The following RFX3 variants were observed in gnomAD, a reference collection of about 807,000 sequenced individuals.
RFX3 encodes the protein transcription factor RFX3.
In RFX3, 14 loss-of-function variants were observed where a neutral mutation model predicts 98.6. The ratio of observed to expected loss-of-function variants is 0.14; its 90% CI spans 0.09 to 0.22. The LOEUF (loss-of-function observed/expected upper bound fraction) is 0.22. Among genes scored for constraint, RFX3 ranks in the 10% least tolerant of loss-of-function variants. RFX3 has a pLI of 1.00. For missense variants in RFX3, 639 were observed against 926.9 expected (o/e 0.69, Z 4.03); for synonymous variants, 383 against 328.4 (o/e 1.17, Z -1.80).
chr9:3,316,630 T>A (rs561912691), intron 4 of RFX3, among the ~76,000 whole-genome samples: 1 of 152,308 alleles, frequency 6.6e-6, no homozygotes. Context: ...GAAAACCCCA[T>A]TGTCTCAGCC....
intron 15 of RFX3, among the ~76,000 whole-genome samples, chr9:3,241,224 G>GTT (rs34401123): frequency 4.5e-5 from 6 of 132,642 alleles, no homozygotes; most frequent in African/African-American, 1.6e-4. Flanking sequence ...GGAGTTTTTT[G>GTT]TTTTTTTTTT....
chr9:3,471,330 T>C (rs1050402726), intron 1 of RFX3, among the ~76,000 whole-genome samples: 3 of 152,246 alleles, frequency 2.0e-5, no homozygotes, highest in African/African-American at 4.8e-5. Context: ...ATTTTACAAA[T>C]AACTGAGTCT....
At chr9:3,461,936 C>T (rs1411868596) in intron 1 of RFX3, among the ~76,000 whole-genome samples, 4 of 151,884 alleles carry the variant, frequency 2.6e-5, no homozygotes, top group South Asian at 2.1e-4. Flanking sequence ...CCCTTTAATA[C>T]ATATTAAGAT....
rs566207016 is a variant in RFX3, at chr9:3,322,100, T to A, written c.474+8159A>T. Among the ~76,000 whole-genome samples the A allele has an allele frequency of 5.8e-4, 88 of 152,246 alleles. No individual in the cohort carries two copies. In the Middle Eastern group the frequency reaches 0.01, roughly 18 times the overall value. On this transcript the variant is annotated intron_variant, in intron 4 of 16. Transcript: ENST00000617270. ...CTCATTATTTTTCTTTTTACAAAAT[T>A]TTCTATAAATTCTTGCAAGTTTATT...
At position 3,221,959 on chromosome 9, in the gene RFX3, C is replaced by G. The variant is rs775283533; in HGVS notation, c.*3083G>C. On this transcript the variant is annotated 3_prime_UTR_variant, in exon 17 of 17. Transcript: ENST00000617270. ...ATACAAAGAAGTCTTAAAATGTGTA[C>G]TTGTGTCATTTGTGAATAAATCTGT... 2.0e-5 allele frequency: 3 copies of G among 152,032 alleles called. No individual in the cohort carries two copies. The highest frequency in any genetic ancestry group is 4.4e-5 in the Non-Finnish European group (3 of 67,996). The allele number at this position is 152,032 out of a possible 1,614,324, so 9.4% of individuals were successfully genotyped here.
intron 1 of RFX3, among the ~76,000 whole-genome samples, chr9:3,496,776 C>A (rs145794049): frequency 1.4e-3 from 219 of 151,882 alleles, no homozygotes; most frequent in African/African-American, 5.2e-3. Context: ...TCAAAAGAAC[C>A]CACATTTTTC....
chr9:3,505,037 T>C (rs1266368686), intron 1 of RFX3, among the ~76,000 whole-genome samples: 2 of 88,672 alleles, frequency 2.3e-5, no homozygotes, highest in Non-Finnish European at 3.9e-5. Flanking sequence ...AATAATATAA[T>C]ATATTTTATA....
At chr9:3,348,703 TTTTG>T (rs1221428120) in intron 2 of RFX3, among the ~76,000 whole-genome samples, 1 of 152,086 alleles carries the variant, frequency 6.6e-6, no homozygotes, top group Non-Finnish European at 1.5e-5. Flanking sequence ...TGGTTTTTTA[TTTTG>T]TTTTTGTTTG....
chr9:3,443,347 G>A (rs1056368353), intron 1 of RFX3, among the ~76,000 whole-genome samples: 5 of 152,084 alleles, frequency 3.3e-5, no homozygotes, highest in African/African-American at 9.7e-5. Flanking sequence ...CTGATGCCCT[G>A]CCTCCTACCA....
At chr9:3,521,935 A>G (rs1375921066) in intron 1 of RFX3, among the ~76,000 whole-genome samples, 2 of 152,158 alleles carry the variant, frequency 1.3e-5, no homozygotes, top group African/African-American at 4.8e-5. Context: ...ATAAGAATTG[A>G]TAAGTGTTTT....
chr9:3,258,507 T>C (rs1352599957), intron 13 of RFX3, among the ~76,000 whole-genome samples: 1 of 152,068 alleles, frequency 6.6e-6, no homozygotes, highest in African/African-American at 2.4e-5. Flanking sequence ...TTATTTTATT[T>C]TCCCAGGGAA....
intron 5 of RFX3, among the ~76,000 whole-genome samples, chr9:3,297,687 G>C (rs1205205047): frequency 6.6e-6 from 1 of 151,902 alleles, no homozygotes; most frequent in Non-Finnish European, 1.5e-5. Flanking sequence ...AAGGAAAAGT[G>C]AGTAAAAAAC....
intron 8 of RFX3, among the ~76,000 whole-genome samples, chr9:3,277,075 CA>C (rs1191453690): frequency 2.0e-5 from 3 of 151,950 alleles, no homozygotes; most frequent in Admixed American, 6.6e-5. Flanking sequence ...CCGAATAATA[CA>C]AATTCTGGAA....
intron 3 of RFX3, among the ~76,000 whole-genome samples, chr9:3,337,589 C>G (rs545406537): frequency 6.6e-6 from 1 of 152,298 alleles, no homozygotes; most frequent in South Asian, 2.1e-4. Context: ...GGCCAGGACA[C>G]AAGATCAGTA....
At chr9:3,490,005 T>C (rs1358717722) in intron 1 of RFX3, among the ~76,000 whole-genome samples, 2 of 151,958 alleles carry the variant, frequency 1.3e-5, no homozygotes, top group Non-Finnish European at 2.9e-5. Context: ...CACCGAAAGC[T>C]AGGTTAACTG....
intron 7 of RFX3, among the ~76,000 whole-genome samples, chr9:3,286,429 G>A (rs1398073619): frequency 6.6e-6 from 1 of 151,672 alleles, no homozygotes; most frequent in African/African-American, 2.4e-5. Flanking sequence ...TTGAGAATCT[G>A]TAATAAAAAA....
chr9:3,405,213 C>T (rs560235884), intron 1 of RFX3, among the ~76,000 whole-genome samples: 8 of 152,006 alleles, frequency 5.3e-5, no homozygotes, highest in African/African-American at 1.9e-4. Context: ...AAAAAAAAAC[C>T]AAAACAAACA....
chr9:3,504,390 ATATAT>A (rs1162465118), intron 1 of RFX3, among the ~76,000 whole-genome samples: 1 of 134,256 alleles, frequency 7.4e-6, no homozygotes, highest in Non-Finnish European at 1.5e-5. Flanking sequence ...ACCACATAGC[ATATAT>A]TGTATATAAA....
At chr9:3,512,281 A>C (rs908800377) in intron 1 of RFX3, among the ~76,000 whole-genome samples, 1 of 152,034 alleles carries the variant, frequency 6.6e-6, no homozygotes, top group African/African-American at 2.4e-5. Flanking sequence ...AAATATTTCA[A>C]ATTATATAGC....
Sources: allele counts gnomAD v4.1 joint callset (sites outside exome capture counted in the v4.1 genomes callset), GRCh38; gene constraint gnomAD v4.1.1; transcripts MANE v1.5; gene names NCBI Gene and HGNC (gene_info 2026-07-23, HGNC 2026-07-21).